Variants in SLC4A4 observed in about 807,000 individuals in gnomAD.
SLC4A4 encodes the protein solute carrier family 4 member 4, also known as electrogenic sodium bicarbonate cotransporter 1.
SLC4A4 carries 27 observed loss-of-function variants against 111.5 expected under a neutral mutation model. The observed-to-expected ratio is 0.24, with a 90% CI of 0.18 to 0.33. SLC4A4 has a LOEUF of 0.33. Among genes scored for constraint, SLC4A4 ranks in the 10% least tolerant of loss-of-function variants. SLC4A4 has a pLI of 1.00. For missense variants in SLC4A4, 909 were observed against 1,315.5 expected, an observed-to-expected ratio of 0.69 and a Z score of 4.78; for synonymous variants, 443 against 463.4, an observed-to-expected ratio of 0.96 and a Z score of 0.57.
rs1311497588 is a variant in SLC4A4, at chr4:71,560,227, G to A, written c.3072G>A (p.Lys1024=). 1.9e-6 allele frequency: 3 copies of A among 1,609,994 alleles called. No homozygotes were observed. Among genetic ancestry groups the A allele is most frequent in the South Asian group, 1.1e-5 (1 of 90,958 alleles). ...ATGAGAAGAAAAAGAAAAAGAAGAA[G>A]GGAAGTCTGGACAGTGACAATGATG... ...KEDEKKKKKK[K]GSLDSDNDDS... is the part of the protein sequence containing the mutation. Residue 1024 remains lysine, a synonymous_variant, in exon 23 of 26, where the codon AAG becomes AAA. Transcript: ENST00000264485.
At chr4:71,170,940 G>A (rs1332349449) in intron 2 of SLC4A4, among the ~76,000 whole-genome samples, 1 of 152,208 alleles carries the variant, frequency 6.6e-6, no homozygotes, top group Non-Finnish European at 1.5e-5. Flanking sequence ...TACATGGCAT[G>A]AGCAAGGGAC....
chr4:71,071,109 A>G (rs2148930144), intron 1 of SLC4A4, among the ~76,000 whole-genome samples: 1 of 152,192 alleles, frequency 6.6e-6, no homozygotes, highest in Non-Finnish European at 1.5e-5. Context: ...CATCTCTACT[A>G]AAAATACAAA....
At chr4:71,143,974 G>C (rs1243237258) in intron 2 of SLC4A4, among the ~76,000 whole-genome samples, 1 of 152,098 alleles carries the variant, frequency 6.6e-6, no homozygotes, top group Non-Finnish European at 1.5e-5. Context: ...GTCAATGTTG[G>C]CTTTTGTTGC....
chr4:71,076,523 C>G (rs1294166641), intron 1 of SLC4A4, among the ~76,000 whole-genome samples: 2 of 151,176 alleles, frequency 1.3e-5, no homozygotes, highest in Non-Finnish European at 2.9e-5. Context: ...TGAAGCCAGA[C>G]TCTGTCTTTA....
chr4:71,263,647 A>G (rs943813128), intron 3 of SLC4A4, among the ~76,000 whole-genome samples: 1 of 152,228 alleles, frequency 6.6e-6, no homozygotes, highest in African/African-American at 2.4e-5. Flanking sequence ...ACTGTCCACT[A>G]GAGTGAGTTG....
intron 20 of SLC4A4, among the ~76,000 whole-genome samples, chr4:71,549,937 G>T (rs542367242): frequency 6.6e-6 from 1 of 152,016 alleles, no homozygotes; most frequent in African/African-American, 2.4e-5. Context: ...TAGAATGAGA[G>T]AAAGAAGGCA....
intron 3 of SLC4A4, among the ~76,000 whole-genome samples, chr4:71,296,647 T>A (rs1012772998): frequency 2.6e-5 from 4 of 152,240 alleles, no homozygotes; most frequent in African/African-American, 9.6e-5. Context: ...ACTAACTATA[T>A]GTATTGTCTC....
At chr4:71,305,028 C>G (rs1252454061) in intron 3 of SLC4A4, among the ~76,000 whole-genome samples, 2 of 152,160 alleles carry the variant, frequency 1.3e-5, no homozygotes, top group African/African-American at 4.8e-5. Context: ...ATGGGAATAT[C>G]AATACATATT....
chr4:71,462,551 G>GT (rs1726941233), intron 12 of SLC4A4, among the ~76,000 whole-genome samples: 1 of 151,524 alleles, frequency 6.6e-6, no homozygotes, highest in African/African-American at 2.4e-5. Context: ...TGGGACTACA[G>GT]GTGTGCACCA....
At chr4:71,177,127 C>A (rs1046523154) in intron 2 of SLC4A4, among the ~76,000 whole-genome samples, 4 of 152,092 alleles carry the variant, frequency 2.6e-5, no homozygotes, top group Non-Finnish European at 5.9e-5. Context: ...CAAGCAGATA[C>A]TGAGAGATTT....
intron 23 of SLC4A4, among the ~76,000 whole-genome samples, chr4:71,562,929 C>G (rs1297841536): frequency 1.3e-5 from 2 of 151,394 alleles, no homozygotes; most frequent in African/African-American, 4.8e-5. Context: ...AACATTAATT[C>G]TCATTTTATT....
At chr4:71,207,166 T>C (rs755236932) in intron 1 of SLC4A4, among the ~76,000 whole-genome samples, 7 of 152,184 alleles carry the variant, frequency 4.6e-5, no homozygotes, top group Non-Finnish European at 8.8e-5. Flanking sequence ...ATAAGATAGA[T>C]AAGATACTGG....
chr4:71,331,602 G>C (rs549501497), intron 3 of SLC4A4, among the ~76,000 whole-genome samples: 1 of 130,238 alleles, frequency 7.7e-6, no homozygotes, highest in South Asian at 3.0e-4. Context: ...GAGGGGGGAG[G>C]GATAGCATTA....
chr4:71,511,615 T>C (rs1364397677), intron 16 of SLC4A4, among the ~76,000 whole-genome samples: 2 of 152,140 alleles, frequency 1.3e-5, no homozygotes, highest in East Asian at 1.9e-4. Flanking sequence ...GTTATATGTG[T>C]ATAACAAAAG....
Position 71,563,892 on chromosome 4 carries a change from G to A in SLC4A4, c.3196+3G>A. On this transcript the variant is annotated splice_donor_region_variant and intron_variant, in intron 24 of 25. Transcript: ENST00000264485. ...AAGCGATAGCAAACCTTCTGACAGTGAGTAGAACTAACCTCTTGCATGCTT... is the reference window on the plus strand; with the variant it reads ...AAGCGATAGCAAACCTTCTGACAGTAAGTAGAACTAACCTCTTGCATGCTT... The A allele has an allele frequency of 6.3e-7, 1 of 1,576,062 alleles. No homozygotes were observed.
chr4:71,435,394 A>G (rs937145471), intron 7 of SLC4A4, among the ~76,000 whole-genome samples: 6 of 152,364 alleles, frequency 3.9e-5, no homozygotes, highest in African/African-American at 1.2e-4. Context: ...CTTACACCTT[A>G]TACAAAAATT....
intron 3 of SLC4A4, among the ~76,000 whole-genome samples, chr4:71,323,976 C>T (rs889734232): frequency 6.6e-6 from 1 of 151,924 alleles, no homozygotes; most frequent in African/African-American, 2.4e-5. Flanking sequence ...GTCTGTGATG[C>T]GGTACCCCTT....
At chr4:71,084,500 C>A (rs1248567907) in intron 1 of SLC4A4, among the ~76,000 whole-genome samples, 2 of 151,926 alleles carry the variant, frequency 1.3e-5, no homozygotes, top group Admixed American at 6.6e-5. Context: ...GTGTGCTGCA[C>A]CCATTAACTC....
chr4:71,468,068 G>T (rs1727544767), intron 13 of SLC4A4, among the ~76,000 whole-genome samples: 1 of 152,012 alleles, frequency 6.6e-6, no homozygotes, highest in African/African-American at 2.4e-5. Flanking sequence ...CAGGGTTGAG[G>T]ATATCAGCAG....
Sources: allele counts gnomAD v4.1 joint callset (sites outside exome capture counted in the v4.1 genomes callset), GRCh38; gene constraint gnomAD v4.1.1; transcripts MANE v1.5; gene names NCBI Gene and HGNC (gene_info 2026-07-23, HGNC 2026-07-21).